Variants in USH2A observed in about 807,000 individuals in gnomAD.
USH2A encodes usherin.
USH2A carries 443 observed loss-of-function variants against 538.9 expected under a neutral mutation model. The observed-to-expected ratio is 0.82, with a 90% CI of 0.76 to 0.89. The LOEUF (loss-of-function observed/expected upper bound fraction) is 0.89, where lower values mean the gene tolerates loss of function less well. USH2A is among the 40% of genes least tolerant of loss of function. USH2A has a pLI of 0.00. For synonymous variants in USH2A, 2,413 were observed against 2,273.5 expected (o/e 1.06, Z -1.75); for missense variants, 6,633 against 6,324.8 (o/e 1.05, Z -1.65).
intron 40 of USH2A, among the ~76,000 whole-genome samples, chr1:215,899,697 A>G (rs1665440429): frequency 6.6e-6 from 1 of 152,164 alleles, no homozygotes. Context: ...TCATGAAGTA[A>G]GGTCCATATT....
chr1:216,265,509 A>G (rs1397038255), intron 11 of USH2A, among the ~76,000 whole-genome samples: 3 of 152,064 alleles, frequency 2.0e-5, no homozygotes, highest in Non-Finnish European at 4.4e-5. Context: ...ATATATCCAG[A>G]CGTTTTGAAA....
At chr1:216,231,590 C>T (rs984823200) in intron 14 of USH2A, among the ~76,000 whole-genome samples, 3 of 151,618 alleles carry the variant, frequency 2.0e-5, no homozygotes, top group Admixed American at 6.6e-5. Context: ...GCCCTGTCTC[C>T]CAGGCTGGAG....
chr1:216,046,461 A>G lies in USH2A; in HGVS notation c.6295T>C (p.Ser2099Pro), dbSNP rs764029613. The G allele has an allele frequency of 4.3e-6, 7 of 1,613,442 alleles. No homozygotes were observed. Among genetic ancestry groups the G allele is most frequent in the Non-Finnish European group, 5.9e-6 (7 of 1,179,666 alleles). Reference sequence around the variant, plus strand: ...ACTATGTAGTTCTCCTCACTGCCTGAATAGATCAGCCTCCCATCCATGTAT... The same window carrying G: ...ACTATGTAGTTCTCCTCACTGCCTGGATAGATCAGCCTCCCATCCATGTAT... Reference protein sequence around the residue: ...CLYMDGRLIYSGSEENYIVTD... With the variant: ...CLYMDGRLIYPGSEENYIVTD... Residue 2099 changes from serine (S) to proline (P), a missense_variant, in exon 32 of 72, where the codon TCA becomes CCA. Coordinates refer to ENST00000307340, the MANE Select transcript of USH2A (RefSeq NM_206933.4).
At chr1:215,728,983 G>A (rs1047407761) in intron 60 of USH2A, among the ~76,000 whole-genome samples, 8 of 152,128 alleles carry the variant, frequency 5.3e-5, no homozygotes, top group African/African-American at 1.9e-4. Flanking sequence ...TATGATAAAT[G>A]GATTGCAGCT....
intron 53 of USH2A, among the ~76,000 whole-genome samples, chr1:215,782,437 T>G (rs1661670056): frequency 6.6e-6 from 1 of 152,158 alleles, no homozygotes; most frequent in Non-Finnish European, 1.5e-5. Context: ...CAAATTTACT[T>G]TCAATATTAA....
At chr1:215,629,092 G>T in intron 70 of USH2A, 57 bp from the exon 71 acceptor site, 1 of 1,510,436 alleles carries the variant, frequency 6.6e-7, no homozygotes, top group South Asian at 1.1e-5. Flanking sequence ...CTTGAAATAT[G>T]ACAGAGAATT....
chr1:215,905,145 G>A (rs1466310110), intron 38 of USH2A, among the ~76,000 whole-genome samples: 1 of 152,034 alleles, frequency 6.6e-6, no homozygotes, highest in African/African-American at 2.4e-5. Flanking sequence ...AGCTCTCAAA[G>A]GCAAAAACAG....
chr1:215,743,124 T>A, intron 59 of USH2A, 53 bp downstream of exon 59: 3 of 1,590,466 alleles, frequency 1.9e-6, no homozygotes, highest in Admixed American at 1.7e-5. Flanking sequence ...TGAAATTTTT[T>A]AATGAAATAC....
chr1:215,974,743 A>G (rs1236014194), intron 35 of USH2A, among the ~76,000 whole-genome samples: 2 of 152,092 alleles, frequency 1.3e-5, no homozygotes, highest in African/African-American at 4.8e-5. Context: ...CCCACTGTTG[A>G]TGGGCACCTA....
Position 215,674,687 on chromosome 1 carries a change from A to C in USH2A, c.13224T>G (p.Val4408=), listed in dbSNP as rs1197756933. 3 of 1,613,670 alleles carry C rather than the reference A, an allele frequency of 1.9e-6. No individual in the cohort carries two copies. The Admixed American group carries it at 5.0e-5, about 27-fold the overall frequency. ...ACTGAGAGTAAGGCTGCAGGTGGGA[A>C]ACCAGCAGGCACAGGCCCTGGCCAG... ...SLAGQGLCLL[V]SHLQPYSQYN... The change falls in exon 63 of 72, where the codon GTT becomes GTG. Residue 4408 remains valine, a synonymous_variant. Transcript: ENST00000307340.
At chr1:215,644,011 CT>C (rs1264722390) in intron 67 of USH2A, among the ~76,000 whole-genome samples, 1 of 152,218 alleles carries the variant, frequency 6.6e-6, no homozygotes, top group Non-Finnish European at 1.5e-5. Context: ...GCAAAATTGG[CT>C]TCTGGATGTA....
intron 13 of USH2A, among the ~76,000 whole-genome samples, chr1:216,240,590 C>A (rs1300572927): frequency 6.6e-6 from 1 of 151,108 alleles, no homozygotes; most frequent in African/African-American, 2.4e-5. Context: ...ATGGTACAAC[C>A]ATTTAAATTT....
At chr1:215,744,152 A>G (rs1303749242) in intron 58 of USH2A, among the ~76,000 whole-genome samples, 1 of 152,222 alleles carries the variant, frequency 6.6e-6, no homozygotes, top group Non-Finnish European at 1.5e-5. Flanking sequence ...CTCCTGTCTG[A>G]CATGGATCCT....
intron 4 of USH2A, among the ~76,000 whole-genome samples, chr1:216,330,818 A>T (rs2037845737): frequency 6.6e-6 from 1 of 152,014 alleles, no homozygotes; most frequent in Non-Finnish European, 1.5e-5. Context: ...AGTTAGGAGG[A>T]TATTACAGTC....
chr1:215,717,039 A>C (rs557303449), intron 61 of USH2A, among the ~76,000 whole-genome samples: 3 of 152,288 alleles, frequency 2.0e-5, no homozygotes, highest in Non-Finnish European at 4.4e-5. Context: ...CTGGCTTGGC[A>C]GAGATTTCTA....
intron 21 of USH2A, chr1:216,174,554 A>G (rs1412454947): frequency 1.0e-6 from 1 of 982,844 alleles, no homozygotes; most frequent in Non-Finnish European, 1.2e-6. Context: ...TTTCACATTG[A>G]TTTTCATTTT....
intron 32 of USH2A, among the ~76,000 whole-genome samples, chr1:216,030,156 TATAG>T (rs962399089): frequency 9.8e-5 from 14 of 143,208 alleles, no homozygotes; most frequent in African/African-American, 3.5e-4. Flanking sequence ...ATATATGATA[TATAG>T]ATATACATAA....
chr1:216,134,548 C>T (rs1233992909), intron 21 of USH2A, among the ~76,000 whole-genome samples: 3 of 152,058 alleles, frequency 2.0e-5, no homozygotes, highest in Non-Finnish European at 2.9e-5. Context: ...ATAGGGTTTG[C>T]ATTTGGGTTC....
chr1:215,912,011 T>A (rs1029596506), intron 38 of USH2A, among the ~76,000 whole-genome samples: 1 of 152,120 alleles, frequency 6.6e-6, no homozygotes, highest in Non-Finnish European at 1.5e-5. Flanking sequence ...TGTCTTCTTT[T>A]GAGAAATGTC....
Sources: gnomAD v4.1 joint callset for allele counts (sites outside exome capture counted in the v4.1 genomes callset) on GRCh38, gnomAD v4.1.1 for gene constraint, MANE v1.5 for transcripts, NCBI Gene and HGNC (gene_info 2026-07-23, HGNC 2026-07-21) for gene names.